CNTN4: variants seen among roughly 807,000 people sequenced by gnomAD.
CNTN4 encodes contactin 4.
Under a neutral mutation model 122.5 loss-of-function variants are expected in CNTN4, and 77 were observed. The ratio of observed to expected loss-of-function variants is 0.63; its 90% CI spans 0.52 to 0.76. The LOEUF is 0.76. Ranked by LOEUF, CNTN4 falls within the 30% of genes least tolerant of loss-of-function variation. The pLI is 0.00. For missense variants in CNTN4, 1,256 were observed against 1,259.1 expected, an observed-to-expected ratio of 1.00 and a Z score of 0.04; for synonymous variants, 512 against 447.0, an observed-to-expected ratio of 1.15 and a Z score of -1.83.
At chr3:2,828,563 T>C (rs1286570405) in intron 7 of CNTN4, among the ~76,000 whole-genome samples, 1 of 152,192 alleles carries the variant, frequency 6.6e-6, no homozygotes, top group African/African-American at 2.4e-5. Flanking sequence ...TTTTATAATA[T>C]AATTTCTATG....
intron 2 of CNTN4, among the ~76,000 whole-genome samples, chr3:2,337,253 C>G (rs2150339736): frequency 6.6e-6 from 1 of 152,206 alleles, no homozygotes. Context: ...AGGATTCCCT[C>G]TGGATGCAAT....
chr3:2,487,111 G>A (rs1401164914), intron 3 of CNTN4, among the ~76,000 whole-genome samples: 1 of 152,102 alleles, frequency 6.6e-6, no homozygotes, highest in East Asian at 1.9e-4. Flanking sequence ...AGGGCAGTTT[G>A]TAAGAACACT....
intron 3 of CNTN4, among the ~76,000 whole-genome samples, chr3:2,408,636 C>T (rs2047120306): frequency 6.6e-6 from 1 of 152,078 alleles, no homozygotes; most frequent in African/African-American, 2.4e-5. Flanking sequence ...CAAGTGAACC[C>T]TTGGAAAATT....
At chr3:3,052,712 C>T (rs1047867734) in intron 23 of CNTN4, among the ~76,000 whole-genome samples, 1 of 152,180 alleles carries the variant, frequency 6.6e-6, no homozygotes, top group East Asian at 1.9e-4. Flanking sequence ...ACTCAGAACC[C>T]ATGGGGGGCC....
chr3:2,118,946 C>T (rs1020221198), intron 2 of CNTN4, among the ~76,000 whole-genome samples: 1 of 152,112 alleles, frequency 6.6e-6, no homozygotes, highest in African/African-American at 2.4e-5. Context: ...TTACAGGGTC[C>T]AAGTGTAATG....
intron 2 of CNTN4, among the ~76,000 whole-genome samples, chr3:2,242,885 C>T (rs1440251374): frequency 6.6e-6 from 1 of 152,096 alleles, no homozygotes; most frequent in Non-Finnish European, 1.5e-5. Flanking sequence ...TATAACAGTT[C>T]AGTCAAAATC....
At chr3:2,658,627 A>G (rs2083710687) in intron 4 of CNTN4, among the ~76,000 whole-genome samples, 1 of 152,144 alleles carries the variant, frequency 6.6e-6, no homozygotes, top group South Asian at 2.1e-4. Flanking sequence ...TACCCAAACC[A>G]TGAGCATTTG....
At chr3:2,151,597 A>C (rs1162057426) in intron 2 of CNTN4, among the ~76,000 whole-genome samples, 1 of 152,078 alleles carries the variant, frequency 6.6e-6, no homozygotes, top group Non-Finnish European at 1.5e-5. Context: ...TTTAATCCCC[A>C]GTGTAGCAGA....
chr3:2,444,003 T>C (rs1416363152), intron 3 of CNTN4, among the ~76,000 whole-genome samples: 5 of 152,128 alleles, frequency 3.3e-5, no homozygotes, highest in African/African-American at 1.2e-4. Flanking sequence ...TTTAACCTCT[T>C]CCTGGATAGC....
intron 14 of CNTN4, among the ~76,000 whole-genome samples, chr3:3,024,234 T>C (rs555449472): frequency 3.9e-5 from 6 of 152,124 alleles, no homozygotes; most frequent in African/African-American, 1.4e-4. Flanking sequence ...CCCATAGAGG[T>C]ATATCATTTT....
chr3:2,408,497 C>T (rs983572940), intron 3 of CNTN4, among the ~76,000 whole-genome samples: 2 of 152,150 alleles, frequency 1.3e-5, no homozygotes, highest in African/African-American at 4.8e-5. Flanking sequence ...CTGAGAGTCA[C>T]TCATAGAAAT....
chr3:2,374,488 C>T (rs1223112298), intron 3 of CNTN4, among the ~76,000 whole-genome samples: 1 of 152,094 alleles, frequency 6.6e-6, no homozygotes, highest in Non-Finnish European at 1.5e-5. Flanking sequence ...GTAACTACCC[C>T]GTATACTTCA....
chr3:2,204,054 G>A lies in CNTN4; in HGVS notation c.-145+103415G>A, dbSNP rs142171961. 2.5e-3 allele frequency among the ~76,000 whole-genome samples: 380 copies of A among 152,092 alleles called. 2 individuals are homozygous for A. The highest frequency in any genetic ancestry group is 8.7e-3 in the African/African-American group (360 of 41,476). ...TATCATGTAAATGTCATAAACAATT[G>A]TAACATTTAAATTCTTAAATTTAAT... On this transcript the variant is annotated intron_variant, in intron 2 of 24. Coordinates refer to ENST00000418658, the MANE Select transcript of CNTN4 (RefSeq NM_175607.3).
intron 3 of CNTN4, among the ~76,000 whole-genome samples, chr3:2,551,610 A>C (rs1424155739): frequency 6.6e-6 from 1 of 152,196 alleles, no homozygotes; most frequent in Non-Finnish European, 1.5e-5. Flanking sequence ...TGATTTTTGA[A>C]AATAATAATA....
chr3:2,394,248 G>A (rs2046554703), intron 3 of CNTN4, among the ~76,000 whole-genome samples: 1 of 152,082 alleles, frequency 6.6e-6, no homozygotes, highest in Non-Finnish European at 1.5e-5. Flanking sequence ...GGCTGAGTAG[G>A]CAGATTCTAG....
intron 4 of CNTN4, among the ~76,000 whole-genome samples, chr3:2,688,091 TAAA>T (rs1576460595): frequency 6.6e-6 from 1 of 152,264 alleles, no homozygotes; most frequent in East Asian, 1.9e-4. Context: ...AGATAAAAAA[TAAA>T]AATCTGTAAC....
At chr3:2,907,516 T>C (rs2094250119) in intron 12 of CNTN4, among the ~76,000 whole-genome samples, 1 of 149,910 alleles carries the variant, frequency 6.7e-6, no homozygotes, top group East Asian at 2.0e-4. Flanking sequence ...AAGGTTGCAG[T>C]CAGCTAAGAT....
At chr3:2,731,005 T>G (rs2088635980) in intron 4 of CNTN4, among the ~76,000 whole-genome samples, 1 of 152,122 alleles carries the variant, frequency 6.6e-6, no homozygotes, top group African/African-American at 2.4e-5. Flanking sequence ...ATTACTCTTT[T>G]TCTTAGAGGG....
chr3:2,170,479 T>A (rs1011589867), intron 2 of CNTN4, among the ~76,000 whole-genome samples: 1 of 152,196 alleles, frequency 6.6e-6, no homozygotes, highest in Non-Finnish European at 1.5e-5. Flanking sequence ...AAGTGCTTGA[T>A]TGAAAAGTAA....
Sources: allele counts gnomAD v4.1 joint callset (sites outside exome capture counted in the v4.1 genomes callset), GRCh38; gene constraint gnomAD v4.1.1; transcripts MANE v1.5; gene names NCBI Gene and HGNC (gene_info 2026-07-23, HGNC 2026-07-21).